NCALD: variants seen among roughly 807,000 people sequenced by gnomAD.
The protein encoded by NCALD is neurocalcin-delta.
A neutral mutation model predicts 18.6 loss-of-function variants in NCALD; 10 were observed. That is an observed-to-expected ratio of 0.54 (90% confidence interval 0.33 to 0.91). The LOEUF (loss-of-function observed/expected upper bound fraction) is 0.91, where lower values mean the gene tolerates loss of function less well. Ranked by LOEUF, NCALD falls within the 40% of genes least tolerant of loss-of-function variation. The pLI is 0.03. For missense variants in NCALD, 184 were observed against 247.6 expected, an observed-to-expected ratio of 0.74 and a Z score of 1.72; for synonymous variants, 88 against 87.4, an observed-to-expected ratio of 1.01 and a Z score of -0.04.
intron 2 of NCALD, among the ~76,000 whole-genome samples, chr8:101,703,487 T>A (rs1815367921): frequency 6.6e-6 from 1 of 152,130 alleles, no homozygotes; most frequent in Non-Finnish European, 1.5e-5. Context: ...GGATTGAATC[T>A]ATCCCCTCCC....
intron 2 of NCALD, among the ~76,000 whole-genome samples, chr8:101,931,525 C>G (rs1038356761): frequency 6.6e-6 from 1 of 152,142 alleles, no homozygotes; most frequent in Non-Finnish European, 1.5e-5. Context: ...GTCCTGAGCC[C>G]TGAAATAGTT....
intron 2 of NCALD, among the ~76,000 whole-genome samples, chr8:101,925,898 TTGA>T (rs1563902363): frequency 1.3e-5 from 2 of 152,176 alleles, no homozygotes; most frequent in Non-Finnish European, 2.9e-5. Context: ...CAATTAAATG[TTGA>T]TAAGTAAGAA....
intron 1 of NCALD, among the ~76,000 whole-genome samples, chr8:101,757,448 C>G (rs1015317601): frequency 9.9e-5 from 15 of 152,180 alleles, no homozygotes; most frequent in African/African-American, 3.1e-4. Context: ...GACAACTACT[C>G]ATAGAGGGCC....
At chr8:102,113,000 A>G (rs1825685637) in intron 1 of NCALD, among the ~76,000 whole-genome samples, 2 of 152,182 alleles carry the variant, frequency 1.3e-5, no homozygotes, top group African/African-American at 2.4e-5. Flanking sequence ...TTTTCTTTAT[A>G]AATTACCCAG....
chr8:101,807,589 A>T (rs985720976), intron 4 of NCALD, among the ~76,000 whole-genome samples: 1 of 152,154 alleles, frequency 6.6e-6, no homozygotes, highest in African/African-American at 2.4e-5. Flanking sequence ...ACAACCCAAT[A>T]GACATAGCAA....
At chr8:101,956,857 G>C (rs1323498709) in intron 2 of NCALD, among the ~76,000 whole-genome samples, 1 of 152,134 alleles carries the variant, frequency 6.6e-6, no homozygotes, top group East Asian at 1.9e-4. Context: ...TCATGTAATG[G>C]TTGCACTTCA....
chr8:101,960,985 T>C lies in NCALD; in HGVS notation c.-156-45127A>G, dbSNP rs116633321. On this transcript the variant is annotated intron_variant, in intron 2 of 6. Transcript: ENST00000311028. The stretch of plus-strand genomic sequence containing the variant: ...CACCCACCATCATCATAACAGCCTG[T>C]TTCATTTTCACCATAGCACTCATCA... Among the ~76,000 whole-genome samples, 1,476 of 152,244 alleles carry C rather than the reference T, an allele frequency of 9.7e-3. 36 individuals are homozygous for C. The highest frequency in any genetic ancestry group is 0.033 in the African/African-American group (1,359 of 41,542).
At chr8:101,823,589 A>G (rs1020175295) in intron 4 of NCALD, among the ~76,000 whole-genome samples, 4 of 152,206 alleles carry the variant, frequency 2.6e-5, no homozygotes, top group African/African-American at 7.2e-5. Flanking sequence ...CTGGCTTCTT[A>G]ATGTCAACAG....
At chr8:101,712,587 C>CAAAAAAAAAAAAAA (rs201729096) in intron 2 of NCALD, among the ~76,000 whole-genome samples, 21 of 78,894 alleles carry the variant, frequency 2.7e-4, no homozygotes, top group Non-Finnish European at 3.7e-4. Flanking sequence ...AAATGGAAAG[C>CAAAAAAAAAAAAAA]AAAAAAAAAA....
At chr8:101,732,715 T>C (rs35464962) in intron 1 of NCALD, among the ~76,000 whole-genome samples, 3 of 146,992 alleles carry the variant, frequency 2.0e-5, no homozygotes, top group African/African-American at 7.6e-5. Flanking sequence ...GCAATTCTTG[T>C]GGCTCAGCCT....
At chr8:101,704,992 G>A (rs1446116286) in intron 2 of NCALD, among the ~76,000 whole-genome samples, 4 of 152,042 alleles carry the variant, frequency 2.6e-5, no homozygotes, top group Non-Finnish European at 5.9e-5. Context: ...TAGGGAGGCC[G>A]AGGTGGGCGG....
At chr8:101,743,208 A>C (rs899249117) in intron 1 of NCALD, among the ~76,000 whole-genome samples, 1 of 152,166 alleles carries the variant, frequency 6.6e-6, no homozygotes, top group African/African-American at 2.4e-5. Context: ...ACTCAGGAAG[A>C]TTCCATCTCC....
At chr8:101,748,794 GT>G (rs1563728012) in intron 1 of NCALD, among the ~76,000 whole-genome samples, 1 of 152,156 alleles carries the variant, frequency 6.6e-6, no homozygotes, top group Non-Finnish European at 1.5e-5. Flanking sequence ...CAGAACTCTC[GT>G]TCTAAACCAG....
chr8:102,052,636 G>T (rs1159131961), intron 1 of NCALD, among the ~76,000 whole-genome samples: 1 of 152,206 alleles, frequency 6.6e-6, no homozygotes, highest in Non-Finnish European at 1.5e-5. Context: ...GGACAAAGCT[G>T]AATCTCACCT....
chr8:101,883,110 G>A (rs190223445), intron 4 of NCALD, among the ~76,000 whole-genome samples: 4 of 152,286 alleles, frequency 2.6e-5, no homozygotes, highest in Middle Eastern at 6.8e-3. Context: ...GGTGGCTCAC[G>A]TCTATAACTC....
At chr8:102,050,023 G>C (rs889954833) in intron 1 of NCALD, among the ~76,000 whole-genome samples, 2 of 149,880 alleles carry the variant, frequency 1.3e-5, no homozygotes, top group Admixed American at 6.7e-5. Context: ...TTAGCCGGGC[G>C]CGGTGGCGGG....
intron 4 of NCALD, among the ~76,000 whole-genome samples, chr8:101,836,034 G>T (rs1469743988): frequency 6.6e-6 from 1 of 152,034 alleles, no homozygotes; most frequent in African/African-American, 2.4e-5. Flanking sequence ...AGATGCACAT[G>T]GAAATCCATC....
intron 2 of NCALD, among the ~76,000 whole-genome samples, chr8:101,991,143 G>T (rs538590348): frequency 6.6e-6 from 1 of 152,160 alleles, no homozygotes; most frequent in Admixed American, 6.5e-5. Flanking sequence ...CTCATTTTTT[G>T]ACTGCATTGT....
At chr8:101,934,559 G>C (rs1818690767) in intron 2 of NCALD, among the ~76,000 whole-genome samples, 1 of 152,128 alleles carries the variant, frequency 6.6e-6, no homozygotes, top group Non-Finnish European at 1.5e-5. Flanking sequence ...TGGCATCATG[G>C]AATCTAAGAG....
Sources: gnomAD v4.1 joint callset for allele counts (sites outside exome capture counted in the v4.1 genomes callset) on GRCh38, gnomAD v4.1.1 for gene constraint, MANE v1.5 for transcripts, NCBI Gene and HGNC (gene_info 2026-07-23, HGNC 2026-07-21) for gene names.